RPH3AL: variants seen among roughly 807,000 people sequenced by gnomAD.
The protein encoded by RPH3AL is rab effector Noc2.
Under a neutral mutation model 43.1 loss-of-function variants are expected in RPH3AL, and 38 were observed. That is an observed-to-expected ratio of 0.88 (90% confidence interval 0.68 to 1.15). The LOEUF is 1.15. Among genes scored for constraint, RPH3AL ranks in the 50% most tolerant of loss-of-function variants. RPH3AL has a pLI of 0.00. For missense variants in RPH3AL, 462 were observed against 423.2 expected, an observed-to-expected ratio of 1.09 and a Z score of -0.81; for synonymous variants, 189 against 176.3, an observed-to-expected ratio of 1.07 and a Z score of -0.57.
chr17:319,654 G>A, intron 4 of RPH3AL, 105 bp from the exon 5 acceptor site: 1 of 1,400,322 alleles, frequency 7.1e-7, no homozygotes, highest in Non-Finnish European at 9.7e-7. Context: ...CCCTCACCTG[G>A]GATATTGTTC....
intron 2 of RPH3AL, chr17:331,688 C>T (rs12947988): frequency 1.4e-5 from 18 of 1,287,202 alleles, no homozygotes; most frequent in Non-Finnish European, 1.7e-5. Context: ...CCTCATCAGC[C>T]GACCCCCATG....
At chr17:216,973 A>C (rs1437969244) in intron 8 of RPH3AL, among the ~76,000 whole-genome samples, 1 of 148,284 alleles carries the variant, frequency 6.7e-6, no homozygotes, top group Non-Finnish European at 1.5e-5. Flanking sequence ...AAGGCATTTC[A>C]CTCCCATCTG....
At chr17:284,923 G>C (rs569587230) in intron 5 of RPH3AL, among the ~76,000 whole-genome samples, 1 of 152,292 alleles carries the variant, frequency 6.6e-6, no homozygotes, top group African/African-American at 2.4e-5. Flanking sequence ...TCCCACAGTA[G>C]AGTGAGGTCT....
At chr17:291,503 C>T (rs981966228) in intron 5 of RPH3AL, among the ~76,000 whole-genome samples, 5 of 152,132 alleles carry the variant, frequency 3.3e-5, no homozygotes, top group South Asian at 2.1e-4. Flanking sequence ...GCGCTGCAGA[C>T]GGTGCTTACA....
intron 6 of RPH3AL, among the ~76,000 whole-genome samples, chr17:268,550 T>TG (rs1191395490): frequency 1.5e-5 from 2 of 134,456 alleles, no homozygotes; most frequent in African/African-American, 2.7e-5. Flanking sequence ...AGTATGTTTT[T>TG]GGGTTTTTTT....
intron 7 of RPH3AL, among the ~76,000 whole-genome samples, chr17:233,243 C>A (rs2041273089): frequency 6.6e-6 from 1 of 152,020 alleles, no homozygotes; most frequent in Non-Finnish European, 1.5e-5. Context: ...CACTGCTCTA[C>A]CCCCCGCCTG....
At chr17:277,859 G>T (rs569647459) in intron 6 of RPH3AL, among the ~76,000 whole-genome samples, 4 of 152,246 alleles carry the variant, frequency 2.6e-5, no homozygotes, top group East Asian at 3.9e-4. Flanking sequence ...GGAGGCTGAG[G>T]GGGGAGGGTT....
At chr17:271,825 G>C (rs1033271533) in intron 6 of RPH3AL, among the ~76,000 whole-genome samples, 2 of 152,194 alleles carry the variant, frequency 1.3e-5, no homozygotes, top group African/African-American at 4.8e-5. Flanking sequence ...AGTGGCGAGA[G>C]AGGGCATCCC....
chr17:316,572 CA>C (rs2044212037), intron 5 of RPH3AL, among the ~76,000 whole-genome samples: 1 of 147,818 alleles, frequency 6.8e-6, no homozygotes, highest in African/African-American at 2.5e-5. Context: ...CCCTGTGCCC[CA>C]CCTCCATTGA....
intron 7 of RPH3AL, among the ~76,000 whole-genome samples, chr17:237,970 A>C (rs12603796): frequency 0.094 from 13,510 of 144,230 alleles, 741 homozygotes; most frequent in Admixed American, 0.13. Context: ...ACAACGTGGA[A>C]TCACCCCGTC....
rs1597859972 is a variant in RPH3AL at position 213,562 on chromosome 17, G to A, written c.*290C>T. The A allele has an allele frequency of 3.5e-5, 18 of 519,360 alleles. No homozygotes were observed. The highest frequency in any genetic ancestry group is 2.7e-4 in the South Asian group (13 of 47,518). 32.2% of individuals were successfully genotyped at this position (519,360 alleles called of 1,614,324 possible). ...CCCCCCAGCCCAACCCAAGACACGC[G>A]CAAACTTAAAATCATCACCAGGTAG... On this transcript the variant is annotated 3_prime_UTR_variant, in exon 10 of 10. Coordinates refer to ENST00000331302, the MANE Select transcript of RPH3AL (RefSeq NM_006987.4).
Position 304,135 on chromosome 17 carries a change from GA to G in RPH3AL, c.351+15284del, listed in dbSNP as rs1360260283. Among the ~76,000 whole-genome samples, 74 of 53,494 alleles carry G rather than the reference GA, an allele frequency of 1.4e-3. 20 individuals are homozygous for G. Among genetic ancestry groups the G allele is most frequent in the African/African-American group, 4.3e-3 (71 of 16,692 alleles). 35.1% of individuals were successfully genotyped at this position (53,494 alleles called of 152,430 possible). On this transcript the variant is annotated intron_variant, in intron 5 of 9. Transcript: ENST00000331302. ...CTGTACTGAGGTTTTAATAATTATT[GA>G]GCAGTGACCGTGTCTCAGGAAAGAG...
intron 5 of RPH3AL, among the ~76,000 whole-genome samples, chr17:307,234 CACGGCAG>C (rs1555568500): frequency 3.9e-5 from 2 of 50,744 alleles, no homozygotes; most frequent in Non-Finnish European, 8.7e-5. Context: ...AGGTCCATCC[CACGGCAG>C]GTCCTCCCCA....
intron 5 of RPH3AL, among the ~76,000 whole-genome samples, chr17:304,948 A>G (rs74442928): frequency 0.063 from 877 of 14,014 alleles, 59 homozygotes; most frequent in Middle Eastern, 0.17. Context: ...GGACAGGGCG[A>G]GAGGGGGACA....
At chr17:255,468 G>T (rs376348567) in intron 6 of RPH3AL, among the ~76,000 whole-genome samples, 5 of 3,628 alleles carry the variant, frequency 1.4e-3, no homozygotes, top group Admixed American at 1.9e-3. Context: ...CGTCTGTCCT[G>T]TTCCATCCCT....
At chr17:304,635 G>C in intron 5 of RPH3AL, among the ~76,000 whole-genome samples, 1 of 152,010 alleles carries the variant, frequency 6.6e-6, no homozygotes, top group Non-Finnish European at 1.5e-5. Flanking sequence ...CACCCGGCCA[G>C]GGCAGGCCCG....
At chr17:273,858 C>T (rs1001503410) in intron 6 of RPH3AL, among the ~76,000 whole-genome samples, 35 of 152,284 alleles carry the variant, frequency 2.3e-4, no homozygotes, top group African/African-American at 7.0e-4. Flanking sequence ...GAGAAGAACA[C>T]GCTAATTGTC....
At chr17:262,165 C>T (rs1211140404) in intron 6 of RPH3AL, among the ~76,000 whole-genome samples, 1 of 152,032 alleles carries the variant, frequency 6.6e-6, no homozygotes, top group Non-Finnish European at 1.5e-5. Flanking sequence ...GTCTAGGGGT[C>T]AAGGTCGTTA....
rs143460612 is a variant in RPH3AL, at chr17:343,502, G to A, written c.-213+9210C>T. ...TGGTTACAGGTCTGGGCTCAGGGTC[G>A]CGTATCTGAGGTTTGCATTCTGGCT... On this transcript the variant is annotated intron_variant, in intron 1 of 9. Coordinates refer to ENST00000331302, the MANE Select transcript of RPH3AL (RefSeq NM_006987.4). Among the ~76,000 whole-genome samples the A allele has an allele frequency of 5.3e-5, 8 of 152,320 alleles. No homozygotes were observed. The East Asian group carries it at 5.8e-4, about 11-fold the overall frequency.
Sources: allele counts gnomAD v4.1 joint callset (sites outside exome capture counted in the v4.1 genomes callset), GRCh38; gene constraint gnomAD v4.1.1; transcripts MANE v1.5; gene names NCBI Gene and HGNC (gene_info 2026-07-23, HGNC 2026-07-21).